ZNF804B: variants seen among roughly 807,000 people sequenced by gnomAD.
The protein encoded by ZNF804B is zinc finger protein 804B.
Under a neutral mutation model 101.4 loss-of-function variants are expected in ZNF804B, and 80 were observed. That is an observed-to-expected ratio of 0.79 (90% CI 0.66 to 0.95). The LOEUF is 0.95. Ranked by LOEUF, ZNF804B falls within the 40% of genes least tolerant of loss-of-function variation. The pLI, the probability that ZNF804B is intolerant of heterozygous loss-of-function variation, is 0.00. For missense variants in ZNF804B, 1,673 were observed against 1,561.9 expected (o/e 1.07, Z -1.20); for synonymous variants, 622 against 558.8 (o/e 1.11, Z -1.59).
chr7:89,034,013 T>C (rs1468260034), intron 1 of ZNF804B, among the ~76,000 whole-genome samples: 1 of 152,126 alleles, frequency 6.6e-6, no homozygotes, highest in Non-Finnish European at 1.5e-5. Context: ...TAATAATGTG[T>C]TAAATAATTT....
At chr7:88,942,679 A>T (rs979761329) in intron 1 of ZNF804B, among the ~76,000 whole-genome samples, 2 of 151,844 alleles carry the variant, frequency 1.3e-5, no homozygotes, top group South Asian at 4.1e-4. Flanking sequence ...CTTAAAAAAA[A>T]CCAATGGTAT....
intron 1 of ZNF804B, among the ~76,000 whole-genome samples, chr7:89,128,022 T>C (rs897640307): frequency 6.6e-6 from 1 of 151,854 alleles, no homozygotes; most frequent in East Asian, 1.9e-4. Context: ...TGAAGTACTT[T>C]TGTAGGTATT....
chr7:89,146,394 A>T (rs915478835), intron 1 of ZNF804B, among the ~76,000 whole-genome samples: 7 of 152,076 alleles, frequency 4.6e-5, no homozygotes, highest in African/African-American at 1.4e-4. Context: ...ATGCATTGAA[A>T]TTATGAGCCA....
At chr7:89,078,385 C>A (rs1437098532) in intron 1 of ZNF804B, among the ~76,000 whole-genome samples, 1 of 151,990 alleles carries the variant, frequency 6.6e-6, no homozygotes, top group East Asian at 1.9e-4. Context: ...GTTGGTCATG[C>A]TTCTAATTTG....
At chr7:89,055,791 A>G (rs1394086380) in intron 1 of ZNF804B, among the ~76,000 whole-genome samples, 1 of 151,988 alleles carries the variant, frequency 6.6e-6, no homozygotes, top group Admixed American at 6.6e-5. Context: ...TCAATCAGAA[A>G]AAGGTGAGGG....
chr7:88,907,374 C>G (rs1223038263), intron 1 of ZNF804B, among the ~76,000 whole-genome samples: 1 of 151,942 alleles, frequency 6.6e-6, no homozygotes, highest in African/African-American at 2.4e-5. Context: ...ATGTCATCAT[C>G]TTGTTAGCTG....
intron 2 of ZNF804B, among the ~76,000 whole-genome samples, chr7:89,267,367 G>A (rs925095574): frequency 2.0e-5 from 3 of 152,086 alleles, no homozygotes; most frequent in African/African-American, 7.2e-5. Flanking sequence ...GGTTGCAAGT[G>A]ACAAATCAAA....
chr7:88,835,377 A>G (rs540625595), intron 1 of ZNF804B, among the ~76,000 whole-genome samples: 1 of 151,934 alleles, frequency 6.6e-6, no homozygotes, highest in Admixed American at 6.6e-5. Flanking sequence ...CTTCTTAGAG[A>G]TCTCATTCTG....
intron 1 of ZNF804B, among the ~76,000 whole-genome samples, chr7:88,821,231 T>C (rs574651149): frequency 6.6e-6 from 1 of 152,308 alleles, no homozygotes; most frequent in African/African-American, 2.4e-5. Context: ...CCTGAACAAG[T>C]CAAATCTATA....
intron 1 of ZNF804B, among the ~76,000 whole-genome samples, chr7:89,005,810 C>A (rs1289785230): frequency 1.3e-5 from 2 of 152,114 alleles, no homozygotes; most frequent in Non-Finnish European, 2.9e-5. Flanking sequence ...ACCTTCCACA[C>A]TCCTTAGAAA....
intron 1 of ZNF804B, among the ~76,000 whole-genome samples, chr7:88,987,569 C>T (rs1426226129): frequency 6.6e-6 from 1 of 151,896 alleles, no homozygotes; most frequent in African/African-American, 2.4e-5. Context: ...AAGATAAAAA[C>T]ACTTTTTTTT....
At chr7:89,106,637 A>C (rs920464614) in intron 1 of ZNF804B, among the ~76,000 whole-genome samples, 3 of 152,168 alleles carry the variant, frequency 2.0e-5, no homozygotes, top group African/African-American at 7.2e-5. Context: ...CCTTACTTCC[A>C]CCAAAAGGAA....
chr7:89,261,401 CAAG>C (rs1190570125), intron 2 of ZNF804B, among the ~76,000 whole-genome samples: 2 of 151,916 alleles, frequency 1.3e-5, no homozygotes, highest in African/African-American at 4.8e-5. Flanking sequence ...TATTTGTCTT[CAAG>C]TTTTTTCAAA....
intron 1 of ZNF804B, among the ~76,000 whole-genome samples, chr7:88,912,465 G>A (rs966995707): frequency 2.0e-5 from 3 of 151,984 alleles, no homozygotes; most frequent in Admixed American, 6.6e-5. Context: ...TTTCTTTCTT[G>A]TATAATTAGT....
intron 1 of ZNF804B, among the ~76,000 whole-genome samples, chr7:89,188,169 T>G (rs10275638): frequency 0.18 from 27,727 of 151,990 alleles, 2,581 homozygotes; most frequent in Admixed American, 0.23. Flanking sequence ...TTCTTGTCTC[T>G]GTGTTACACT....
intron 1 of ZNF804B, among the ~76,000 whole-genome samples, chr7:89,121,577 A>G (rs1399146246): frequency 6.6e-6 from 1 of 152,296 alleles, no homozygotes; most frequent in African/African-American, 2.4e-5. Context: ...CTTTTAAATT[A>G]CATTAATGTA....
chr7:88,803,515 T>C (rs1027724971), intron 1 of ZNF804B, among the ~76,000 whole-genome samples: 7 of 152,082 alleles, frequency 4.6e-5, no homozygotes, highest in Non-Finnish European at 7.4e-5. Flanking sequence ...AGACTGAAAA[T>C]GTGCAAGCCA....
chr7:89,274,125 CT>C lies in ZNF804B; in HGVS notation c.250-53209del, dbSNP rs796100298. Among the ~76,000 whole-genome samples the C allele has an allele frequency of 1.5e-3, 222 of 143,520 alleles. 1 individual carries two copies. Among genetic ancestry groups the C allele is most frequent in the African/African-American group, 4.3e-3 (170 of 39,116 alleles). The allele number at this position is 143,520 out of a possible 152,430, so 94.2% of individuals were successfully genotyped here. ...GGCAGCACTATCTCCCTGCTTCATTCTTTTTTTTTTCTTTTTATTTTATTTT... is the reference window on the plus strand; with the variant it reads ...GGCAGCACTATCTCCCTGCTTCATTCTTTTTTTTTCTTTTTATTTTATTTT... On this transcript the variant is annotated intron_variant, in intron 2 of 3. Transcript: ENST00000333190.
intron 1 of ZNF804B, among the ~76,000 whole-genome samples, chr7:89,002,811 A>C (rs1289430948): frequency 1.3e-5 from 2 of 152,006 alleles, no homozygotes; most frequent in Non-Finnish European, 2.9e-5. Context: ...AATGGAAAAA[A>C]TGTTAACAAA....
Sources: gnomAD v4.1 joint callset for allele counts (sites outside exome capture counted in the v4.1 genomes callset) on GRCh38, gnomAD v4.1.1 for gene constraint, MANE v1.5 for transcripts, NCBI Gene and HGNC (gene_info 2026-07-23, HGNC 2026-07-21) for gene names.